ANK1: variants seen among roughly 807,000 people sequenced by gnomAD.
ANK1 encodes ankyrin 1.
Under a neutral mutation model 210.4 loss-of-function variants are expected in ANK1, and 51 were observed. The observed-to-expected ratio is 0.24, with a 90% CI of 0.19 to 0.31. ANK1 has a LOEUF of 0.31. ANK1 is among the 10% of genes least tolerant of loss of function. The pLI, the probability that ANK1 is intolerant of heterozygous loss-of-function variation, is 1.00. For synonymous variants in ANK1, 967 were observed against 1,025.9 expected (o/e 0.94, Z 1.10); for missense variants, 2,051 against 2,504.4 (o/e 0.82, Z 3.86).
At chr8:41,837,679 G>A (rs1428891779) in intron 1 of ANK1, among the ~76,000 whole-genome samples, 4 of 151,950 alleles carry the variant, frequency 2.6e-5, no homozygotes, top group African/African-American at 4.8e-5. Context: ...TGAGACCAGC[G>A]TGGACAACAT....
At chr8:41,762,576 G>A (rs954641360) in intron 1 of ANK1, among the ~76,000 whole-genome samples, 2 of 152,156 alleles carry the variant, frequency 1.3e-5, no homozygotes, top group African/African-American at 4.8e-5. Flanking sequence ...CCTCAGCAAG[G>A]CATCTGTGGG....
intron 1 of ANK1, among the ~76,000 whole-genome samples, chr8:41,816,523 C>T (rs1803363432): frequency 6.6e-6 from 1 of 152,146 alleles, no homozygotes; most frequent in African/African-American, 2.4e-5. Flanking sequence ...ACTACAACCT[C>T]GAACTTCTGG....
Position 41,704,769 on chromosome 8 carries a change from C to A in ANK1, c.2098-297G>T, listed in dbSNP as rs1824102115. ...GAGCTTTGGAGGTGAGTGAGGTCCC[C>A]CAGAATAAAGTGGAGGGTGAAAAGT... On this transcript the variant is annotated intron_variant, in intron 18 of 42. Transcript: ENST00000289734. This position sits in a 1 kb window ranked among gnomAD's most constrained non-coding sequence, Gnocchi z 4.1. Among the ~76,000 whole-genome samples the A allele has an allele frequency of 1.3e-5, 2 of 151,908 alleles. No homozygotes were observed. The highest frequency in any genetic ancestry group is 4.8e-5 in the African/African-American group (2 of 41,354).
intron 3 of ANK1, among the ~76,000 whole-genome samples, 184 bp from the exon 4 acceptor site, chr8:41,728,190 G>C (rs1359350702): frequency 6.6e-6 from 1 of 152,178 alleles, no homozygotes; most frequent in African/African-American, 2.4e-5. Context: ...TGAAAGTACA[G>C]GGAGGAAGAT....
At chr8:41,866,473 C>T (rs1563933007) in intron 1 of ANK1, among the ~76,000 whole-genome samples, 3 of 152,210 alleles carry the variant, frequency 2.0e-5, no homozygotes, top group Non-Finnish European at 4.4e-5. Context: ...AGATGACAGG[C>T]GTGAGCCACT....
chr8:41,700,641 C>T lies in ANK1; in HGVS notation c.2461+909G>A, dbSNP rs893197622. Reference sequence around the variant, plus strand: ...CCAGCCCACCCCACTATTCAACATCCTCAGAGTTGAGGATCCTACTACTCA... The same window carrying T: ...CCAGCCCACCCCACTATTCAACATCTTCAGAGTTGAGGATCCTACTACTCA... On this transcript the variant is annotated intron_variant, in intron 22 of 42. Transcript: ENST00000289734. Among the ~76,000 whole-genome samples, 9 of 152,190 alleles carry T rather than the reference C, an allele frequency of 5.9e-5. No individual in the cohort carries two copies. In the East Asian group the frequency reaches 1.5e-3, roughly 26 times the overall value.
At chr8:41,779,775 CT>C (rs935744320) in intron 1 of ANK1, among the ~76,000 whole-genome samples, 1 of 152,230 alleles carries the variant, frequency 6.6e-6, no homozygotes, top group Non-Finnish European at 1.5e-5. Context: ...GGTTAAAAAA[CT>C]TGCCCAAGGT....
At chr8:41,679,420 G>A (rs1467794465) in intron 37 of ANK1, among the ~76,000 whole-genome samples, 4 of 152,122 alleles carry the variant, frequency 2.6e-5, no homozygotes, top group Admixed American at 6.5e-5. Context: ...AACAAAGGCC[G>A]TGAGAGATCA....
intron 26 of ANK1, 121 bp from the exon 27 acceptor site, chr8:41,695,452 C>CTACCTGCAGGTGGGG (rs1820617677): frequency 1.6e-5 from 22 of 1,384,420 alleles, no homozygotes; most frequent in Non-Finnish European, 2.2e-5. Flanking sequence ...CACGTGGAGG[C>CTACCTGCAGGTGGGG]CCCACCTGCA....
At chr8:41,757,883 C>A (rs1839532617) in intron 2 of ANK1, among the ~76,000 whole-genome samples, 153 bp downstream of exon 2, 1 of 152,250 alleles carries the variant, frequency 6.6e-6, no homozygotes, top group African/African-American at 2.4e-5. Context: ...GGAGTGGAAA[C>A]AGCAAGGTTA....
At chr8:41,765,420 T>G (rs1841549015) in intron 1 of ANK1, among the ~76,000 whole-genome samples, 1 of 152,026 alleles carries the variant, frequency 6.6e-6, no homozygotes, top group Non-Finnish European at 1.5e-5. Flanking sequence ...CTAATTTCTT[T>G]ATTTTTTGTA....
chr8:41,699,090 C>T (rs754328525), intron 23 of ANK1, among the ~76,000 whole-genome samples: 5 of 152,122 alleles, frequency 3.3e-5, no homozygotes, highest in Non-Finnish European at 5.9e-5. Flanking sequence ...TGAGCCACCG[C>T]ACCCGGCCAT....
At chr8:41,696,185 C>T (rs1322147095) in intron 26 of ANK1, among the ~76,000 whole-genome samples, 178 bp downstream of exon 26, 4 of 152,200 alleles carry the variant, frequency 2.6e-5, no homozygotes, top group East Asian at 1.9e-4. Flanking sequence ...CTATCGTGCC[C>T]GACCTGAGAT....
At chr8:41,876,084 C>T (rs1033306116) in intron 1 of ANK1, among the ~76,000 whole-genome samples, 5 of 152,056 alleles carry the variant, frequency 3.3e-5, no homozygotes, top group Non-Finnish European at 5.9e-5. Context: ...CCTCGCCTCA[C>T]GCCTCCTGCC....
rs116500813 is a variant in ANK1, at chr8:41,852,886, C to A, written c.126+43469G>T. On this transcript the variant is annotated intron_variant, in intron 1 of 42. Coordinates refer to the ANK1 transcript ENST00000265709. Reference sequence around the variant, plus strand: ...GAGGAAGGTTTGTCTGAGACTCTGCCACGTTTGACCTAGCTTGAGGACATG... The same window carrying A: ...GAGGAAGGTTTGTCTGAGACTCTGCAACGTTTGACCTAGCTTGAGGACATG... 2.9e-3 allele frequency among the ~76,000 whole-genome samples: 444 copies of A among 152,314 alleles called. 3 individuals are homozygous for A. The highest frequency in any genetic ancestry group is 0.01 in the African/African-American group (435 of 41,564).
intron 9 of ANK1, 74 bp downstream of exon 9, chr8:41,723,051 T>C: frequency 7.5e-7 from 1 of 1,338,900 alleles, no homozygotes; most frequent in Non-Finnish European, 1.1e-6. Context: ...TTTACAGAAA[T>C]AGGATTTGAT....
chr8:41,807,856 G>A (rs1450516511), intron 1 of ANK1, among the ~76,000 whole-genome samples: 1 of 150,578 alleles, frequency 6.6e-6, no homozygotes, highest in Non-Finnish European at 1.5e-5. Flanking sequence ...GAGTGGGAAG[G>A]AGAACTGGGT....
At chr8:41,850,809 CAAAT>C (rs1353567660) in intron 1 of ANK1, among the ~76,000 whole-genome samples, 2 of 152,222 alleles carry the variant, frequency 1.3e-5, no homozygotes, top group African/African-American at 2.4e-5. Context: ...GAATGAAAAA[CAAAT>C]GAATGAGAAG....
intron 1 of ANK1, among the ~76,000 whole-genome samples, chr8:41,853,062 G>A (rs926617145): frequency 2.0e-5 from 3 of 152,168 alleles, no homozygotes; most frequent in South Asian, 4.1e-4. Flanking sequence ...AGTGAGAAAC[G>A]GAAAATATTT....
Sources: gnomAD v4.1 joint callset for allele counts (sites outside exome capture counted in the v4.1 genomes callset) on GRCh38, gnomAD v4.1.1 for gene constraint, Gnocchi (gnomAD v3.1) non-coding constraint, MANE v1.5 for transcripts, NCBI Gene and HGNC (gene_info 2026-07-23, HGNC 2026-07-21) for gene names.